Variants in NR3C1 observed in about 807,000 individuals in gnomAD.
NR3C1 encodes glucocorticoid receptor.
NR3C1 carries 14 observed loss-of-function variants against 74.0 expected under a neutral mutation model. The ratio of observed to expected loss-of-function variants is 0.19; its 90% CI spans 0.12 to 0.30. The LOEUF (loss-of-function observed/expected upper bound fraction) is 0.30. NR3C1 is among the 10% of genes least tolerant of loss of function. The pLI, the probability that NR3C1 is intolerant of heterozygous loss-of-function variation, is 1.00. For missense variants in NR3C1, 695 were observed against 909.8 expected, an observed-to-expected ratio of 0.76 and a Z score of 3.04; for synonymous variants, 308 against 332.5, an observed-to-expected ratio of 0.93 and a Z score of 0.80.
intron 2 of NR3C1, among the ~76,000 whole-genome samples, chr5:143,355,483 T>TAATA (rs557247874): frequency 1.5e-4 from 23 of 151,896 alleles, no homozygotes; most frequent in African/African-American, 4.3e-4. Context: ...CTTTAAAAAA[T>TAATA]AATAAATAAA....
chr5:143,312,313 G>T (rs1821149419), intron 3 of NR3C1, among the ~76,000 whole-genome samples: 2 of 152,100 alleles, frequency 1.3e-5, no homozygotes, highest in Admixed American at 6.6e-5. Flanking sequence ...CATGTTACAT[G>T]TGAAATCAGA....
intron 2 of NR3C1, among the ~76,000 whole-genome samples, chr5:143,349,962 A>G (rs971825911): frequency 1.4e-4 from 22 of 152,140 alleles, no homozygotes; most frequent in African/African-American, 5.3e-4. Flanking sequence ...TGGATTTTGG[A>G]GGAAGAGGAG....
At position 143,372,673 on chromosome 5, in the gene NR3C1, A is replaced by G. The variant is rs1044711436; in HGVS notation, c.1184+26983T>C. Among the ~76,000 whole-genome samples the G allele has an allele frequency of 1.2e-4, 19 of 152,300 alleles. 1 individual carries two copies. Among genetic ancestry groups the G allele is most frequent in the African/African-American group, 3.8e-4 (16 of 41,566 alleles). On this transcript the variant is annotated intron_variant, in intron 2 of 8. Coordinates refer to ENST00000394464, the MANE Select transcript of NR3C1 (RefSeq NM_000176.3). ...CTGGTCACCATCTGGCCTATCAAAC[A>G]TAAGCCCTTAAACCTTGTTGCAACT...
At chr5:143,363,219 C>T (rs1007432197) in intron 2 of NR3C1, among the ~76,000 whole-genome samples, 1 of 152,134 alleles carries the variant, frequency 6.6e-6, no homozygotes, top group Non-Finnish European at 1.5e-5. Flanking sequence ...AGGGTGCCCA[C>T]AATCTTCAAA....
rs185525337 is a variant in NR3C1, at chr5:143,299,043, C to T, written c.1748-231G>A. Among the ~76,000 whole-genome samples the T allele has an allele frequency of 1.0e-3, 119 of 115,356 alleles. 1 individual carries two copies. The highest frequency in any genetic ancestry group is 3.5e-3 in the African/African-American group (107 of 30,758). The allele number at this position is 115,356 out of a possible 152,430, so 75.7% of individuals were successfully genotyped here. A position where few individuals can be genotyped will look rare whatever the true frequency, so the allele number is the denominator to read the frequency against. ...TTTTTTTTTTTAATTGAGACAAAGT[C>T]TTGCTCTGTCACCCAGGCTGGAGTG... is the stretch of plus-strand genomic sequence containing the variant. On this transcript the variant is annotated intron_variant, in intron 5 of 8. Transcript: ENST00000394464.
rs201491533 is a variant in NR3C1, at chr5:143,293,864, CTT to C, written c.2023+1594_2023+1595del. The C allele has an allele frequency of 5.6e-3, 4,333 of 780,698 alleles. 3 individuals carry two copies. Among genetic ancestry groups the C allele is most frequent in the East Asian group, 0.03 (229 of 7,572 alleles). 48.4% of individuals were successfully genotyped at this position (780,698 alleles called of 1,614,324 possible). On this transcript the variant is annotated intron_variant, in intron 7 of 8. Coordinates refer to ENST00000394464, the MANE Select transcript of NR3C1 (RefSeq NM_000176.3). ...TGGGATGTATACAATTGAAACCATT[CTT>C]TTTTTTTTTTTTTTAAACAAGTAAA...
chr5:143,329,113 G>T (rs1041012391), intron 2 of NR3C1, among the ~76,000 whole-genome samples: 9 of 152,138 alleles, frequency 5.9e-5, no homozygotes, highest in African/African-American at 1.7e-4. Context: ...TATAAGGGAG[G>T]TTTAATTTAC....
At chr5:143,383,735 T>G (rs547691368) in intron 2 of NR3C1, among the ~76,000 whole-genome samples, 1 of 152,360 alleles carries the variant, frequency 6.6e-6, no homozygotes, top group Admixed American at 6.5e-5. Context: ...ACTGGTATGT[T>G]GTTATCAATT....
intron 7 of NR3C1, among the ~76,000 whole-genome samples, chr5:143,288,399 G>A (rs764485695): frequency 6.6e-6 from 1 of 152,040 alleles, no homozygotes; most frequent in Non-Finnish European, 1.5e-5. Context: ...AATTACAGGC[G>A]TGAGCCATAG....
intron 3 of NR3C1, 108 bp from the exon 4 acceptor site, chr5:143,310,321 G>A: frequency 2.5e-6 from 2 of 794,090 alleles, no homozygotes; most frequent in Non-Finnish European, 4.3e-6. Context: ...ACACCCACAG[G>A]TATTGCCTTG....
intron 2 of NR3C1, among the ~76,000 whole-genome samples, chr5:143,368,196 A>G: frequency 6.6e-6 from 1 of 152,354 alleles, no homozygotes; most frequent in South Asian, 2.1e-4. Flanking sequence ...TACACAAAAG[A>G]ATAAGTTAGA....
At chr5:143,326,544 A>C (rs551874498) in intron 2 of NR3C1, among the ~76,000 whole-genome samples, 4 of 152,220 alleles carry the variant, frequency 2.6e-5, no homozygotes, top group Non-Finnish European at 5.9e-5. Context: ...CAAAAATACA[A>C]AAGTATAAAT....
chr5:143,281,196 C>G lies in NR3C1; in HGVS notation c.*693G>C, dbSNP rs1236874459. 2 of 145,334 alleles carry G rather than the reference C, an allele frequency of 1.4e-5. No individual in the cohort carries two copies. The highest frequency in any genetic ancestry group is 5.1e-5 in the African/African-American group (2 of 38,852). 9.0% of individuals were successfully genotyped at this position (145,334 alleles called of 1,614,324 possible). ...TGGTCTTCTGATAGCTAAGTGCCAT[C>G]AGGTTAGAAGCACCAACCCATTTTC... On this transcript the variant is annotated 3_prime_UTR_variant, in exon 9 of 9. Transcript: ENST00000394464.
At position 143,399,996 on chromosome 5, in the gene NR3C1, CTTCTTT is replaced by C. The variant is rs749266967; in HGVS notation, c.838_843del (p.Lys280_Glu281del). ...CCAGGGGTGCAGAGTTCGATGAAAT[CTTCTTT>C]TTCTGTTTTCACTTGGGGCAGTGTT... is the stretch of plus-strand genomic sequence containing the variant. On this transcript the variant is annotated inframe_deletion, in exon 2 of 9. Coordinates refer to ENST00000394464, the MANE Select transcript of NR3C1 (RefSeq NM_000176.3). 4 of 1,614,054 alleles carry C rather than the reference CTTCTTT, an allele frequency of 2.5e-6. No individual in the cohort carries two copies. Among genetic ancestry groups the C allele is most frequent in the Non-Finnish European group, 3.4e-6 (4 of 1,180,038 alleles).
Position 143,399,853 on chromosome 5 carries a change from T to C in NR3C1, c.987A>G (p.Gly329=). The C allele has an allele frequency of 6.2e-7, 1 of 1,614,170 alleles. No individual in the cohort carries two copies. Among genetic ancestry groups the C allele is most frequent in the South Asian group, 1.1e-5 (1 of 91,078 alleles). ...TATTCATGTCATAGTGGTACATCTG[T>C]CCTCCAGAGGTACTCACACCATGAA... ...ISVHGVSTSG[G]QMYHYDMNTA... Residue 329 remains glycine, a synonymous_variant, in exon 2 of 9, where the codon GGA becomes GGG. Coordinates refer to ENST00000394464, the MANE Select transcript of NR3C1 (RefSeq NM_000176.3).
At chr5:143,297,330 T>C (rs1458439975) in intron 6 of NR3C1, among the ~76,000 whole-genome samples, 1 of 152,182 alleles carries the variant, frequency 6.6e-6, no homozygotes, top group African/African-American at 2.4e-5. Context: ...GTTAGTTTTA[T>C]AAACCAGGAT....
At chr5:143,284,983 AGG>A (rs1814039772) in intron 7 of NR3C1, among the ~76,000 whole-genome samples, 1 of 150,620 alleles carries the variant, frequency 6.6e-6, no homozygotes, top group Non-Finnish European at 1.5e-5. Flanking sequence ...GAAACGAAGG[AGG>A]TACACAAAGA....
intron 1 of NR3C1, among the ~76,000 whole-genome samples, chr5:143,434,091 C>T (rs1434450795): frequency 1.3e-5 from 2 of 152,198 alleles, no homozygotes; most frequent in Admixed American, 6.5e-5. Context: ...TATTCAGACC[C>T]CTGATCAAAT....
chr5:143,309,073 C>CTTT (rs397830399), intron 4 of NR3C1, among the ~76,000 whole-genome samples: 4 of 134,426 alleles, frequency 3.0e-5, no homozygotes, highest in South Asian at 2.3e-4. Flanking sequence ...TTTCAGGTTT[C>CTTT]TTTTTTTTTT....
Sources: gnomAD v4.1 joint callset for allele counts (sites outside exome capture counted in the v4.1 genomes callset) on GRCh38, gnomAD v4.1.1 for gene constraint, MANE v1.5 for transcripts, NCBI Gene and HGNC (gene_info 2026-07-23, HGNC 2026-07-21) for gene names.